Variants in ALK observed in about 807,000 individuals in gnomAD.
ALK encodes ALK tyrosine kinase receptor.
ALK carries 74 observed loss-of-function variants against 163.1 expected under a neutral mutation model. The observed-to-expected ratio is 0.45, with a 90% CI of 0.38 to 0.55. ALK has a LOEUF of 0.55. Ranked by LOEUF, ALK falls within the 20% of genes least tolerant of loss-of-function variation. The pLI, the probability that ALK is intolerant of heterozygous loss-of-function variation, is 0.00. For missense variants in ALK, 2,063 were observed against 2,105.3 expected, an observed-to-expected ratio of 0.98 and a Z score of 0.39; for synonymous variants, 960 against 843.2, an observed-to-expected ratio of 1.14 and a Z score of -2.40.
intron 20 of ALK, 25 bp downstream of exon 20, chr2:29,223,317 C>A: frequency 6.2e-7 from 1 of 1,613,514 alleles, no homozygotes; most frequent in Non-Finnish European, 8.5e-7. Flanking sequence ...CCCCTCTCCT[C>A]CCAGGACGGC....
At chr2:29,422,393 T>C (rs927623066) in intron 4 of ALK, among the ~76,000 whole-genome samples, 4 of 151,266 alleles carry the variant, frequency 2.6e-5, no homozygotes, top group African/African-American at 7.4e-5. Flanking sequence ...CTCACTCAGA[T>C]GAAACCTCAT....
intron 9 of ALK, among the ~76,000 whole-genome samples, chr2:29,285,913 A>C (rs1665844507): frequency 6.6e-6 from 1 of 152,032 alleles, no homozygotes; most frequent in African/African-American, 2.4e-5. Context: ...ACCTGGCCTA[A>C]TATTCACACT....
intron 1 of ALK, among the ~76,000 whole-genome samples, chr2:29,831,539 C>A (rs1400426374): frequency 6.6e-6 from 1 of 152,180 alleles, no homozygotes. Flanking sequence ...CCCCTCCTGA[C>A]CTAGCTCCAA....
intron 11 of ALK, among the ~76,000 whole-genome samples, chr2:29,259,434 T>C (rs1168797233): frequency 6.6e-6 from 1 of 152,170 alleles, no homozygotes; most frequent in Non-Finnish European, 1.5e-5. Flanking sequence ...ATTATGTTGC[T>C]ATTTCTGTAG....
chr2:29,781,963 AG>A (rs879558485), intron 1 of ALK, among the ~76,000 whole-genome samples: 81 of 152,320 alleles, frequency 5.3e-4, no homozygotes, highest in African/African-American at 1.7e-3. Flanking sequence ...CCAGGAGTCA[AG>A]TTAGTGTCAA....
chr2:29,253,649 T>C (rs1664878001), intron 11 of ALK, among the ~76,000 whole-genome samples: 1 of 151,738 alleles, frequency 6.6e-6, no homozygotes, highest in Non-Finnish European at 1.5e-5. Flanking sequence ...GGGAGAAAAA[T>C]AAAACCCCAG....
intron 15 of ALK, among the ~76,000 whole-genome samples, chr2:29,230,980 C>T (rs191095380): frequency 2.0e-5 from 3 of 152,136 alleles, no homozygotes; most frequent in South Asian, 2.1e-4. Flanking sequence ...CTGCAGCCTT[C>T]GAGCAAATGT....
intron 9 of ALK, among the ~76,000 whole-genome samples, chr2:29,287,516 T>A (rs192468752): frequency 6.6e-6 from 1 of 152,118 alleles, no homozygotes; most frequent in Non-Finnish European, 1.5e-5. Context: ...TTACAGGTAG[T>A]GTGGTAATTC....
chr2:29,277,039 G>A (rs555622993), intron 9 of ALK, among the ~76,000 whole-genome samples: 2 of 152,278 alleles, frequency 1.3e-5, no homozygotes, highest in South Asian at 2.1e-4. Context: ...AAGAGAGAGG[G>A]AACCCAGGCC....
At chr2:29,859,582 C>A (rs923310379) in intron 1 of ALK, among the ~76,000 whole-genome samples, 4 of 151,688 alleles carry the variant, frequency 2.6e-5, no homozygotes, top group Non-Finnish European at 5.9e-5. Flanking sequence ...AAGAAGAAAA[C>A]CTGAGTGAAG....
chr2:29,654,732 A>T, intron 3 of ALK, among the ~76,000 whole-genome samples: 1 of 152,186 alleles, frequency 6.6e-6, no homozygotes, highest in South Asian at 2.1e-4. Context: ...TGGGTAATCA[A>T]TCATGCCATA....
intron 1 of ALK, among the ~76,000 whole-genome samples, chr2:29,800,948 C>T (rs1664453189): frequency 4.6e-5 from 7 of 152,182 alleles, no homozygotes; most frequent in Admixed American, 3.9e-4. Flanking sequence ...TGTGGGCTCC[C>T]GTGGGCGCTG....
intron 4 of ALK, among the ~76,000 whole-genome samples, chr2:29,506,895 G>A (rs1304615540): frequency 1.3e-5 from 2 of 152,210 alleles, no homozygotes; most frequent in Non-Finnish European, 2.9e-5. Context: ...TGAGGATGTA[G>A]AGACATTGGA....
intron 3 of ALK, among the ~76,000 whole-genome samples, chr2:29,557,707 T>C (rs1673901730): frequency 6.6e-6 from 1 of 152,158 alleles, no homozygotes; most frequent in African/African-American, 2.4e-5. Context: ...TATACCCTCC[T>C]AGTCCTCAGG....
chr2:29,620,508 G>T (rs1404514115), intron 3 of ALK, among the ~76,000 whole-genome samples: 1 of 144,140 alleles, frequency 6.9e-6, no homozygotes, highest in Non-Finnish European at 1.5e-5. Context: ...GGGTGGGGGG[G>T]TGGTGGGTGG....
intron 4 of ALK, among the ~76,000 whole-genome samples, chr2:29,529,251 G>A (rs998651543): frequency 2.0e-5 from 3 of 152,096 alleles, no homozygotes; most frequent in South Asian, 2.1e-4. Flanking sequence ...CTCCCCAGCC[G>A]ACTTTATTAT....
intron 1 of ALK, among the ~76,000 whole-genome samples, chr2:29,726,934 C>A (rs2148314459): frequency 6.6e-6 from 1 of 152,270 alleles, no homozygotes; most frequent in African/African-American, 2.4e-5. Context: ...TGTGGACCAG[C>A]TAGGAATGCC....
At chr2:29,550,781 A>C (rs1276232032) in intron 3 of ALK, among the ~76,000 whole-genome samples, 1 of 152,190 alleles carries the variant, frequency 6.6e-6, no homozygotes, top group Non-Finnish European at 1.5e-5. Flanking sequence ...ATGGTAAGAA[A>C]AAATTTATCT....
At chr2:29,452,865 T>C (rs190843456) in intron 4 of ALK, among the ~76,000 whole-genome samples, 124 of 152,316 alleles carry the variant, frequency 8.1e-4, no homozygotes, top group African/African-American at 2.9e-3. Context: ...AAGAAAAGGT[T>C]AGACACATGC....
Sources: allele counts gnomAD v4.1 joint callset (sites outside exome capture counted in the v4.1 genomes callset), GRCh38; gene constraint gnomAD v4.1.1; transcripts MANE v1.5; gene names NCBI Gene and HGNC (gene_info 2026-07-23, HGNC 2026-07-21).